Variants in SLC14A2 observed in about 807,000 individuals in gnomAD.
SLC14A2 encodes urea transporter 2.
A neutral mutation model predicts 104.6 loss-of-function variants in SLC14A2; 91 were observed. The ratio of observed to expected loss-of-function variants is 0.87; its 90% confidence interval spans 0.73 to 1.04. The LOEUF is 1.04. SLC14A2 is among the 50% of genes least tolerant of loss of function. The pLI is 0.00. For missense variants in SLC14A2, 1,189 were observed against 1,156.0 expected (o/e 1.03, Z -0.41); for synonymous variants, 476 against 466.4 (o/e 1.02, Z -0.27).
chr18:45,331,754 T>C (rs1304099132), intron 1 of SLC14A2, among the ~76,000 whole-genome samples: 2 of 152,264 alleles, frequency 1.3e-5, no homozygotes, highest in East Asian at 1.9e-4. Flanking sequence ...TATGCCCTCA[T>C]GTACCATTAC....
At chr18:45,358,684 C>T (rs559917976) in intron 1 of SLC14A2, among the ~76,000 whole-genome samples, 129 of 152,272 alleles carry the variant, frequency 8.5e-4, no homozygotes, top group Middle Eastern at 3.4e-3. Flanking sequence ...CTCAAGCAAT[C>T]CTGCCGCCTC....
intron 1 of SLC14A2, among the ~76,000 whole-genome samples, chr18:45,317,777 A>ATGTCTCCTCCCCTTC (rs1481729595): frequency 6.6e-6 from 1 of 152,124 alleles, no homozygotes. Context: ...GGCTTGACAG[A>ATGTCTCCTCCCCTTC]TGTCTCCTCC....
At chr18:45,456,521 C>T (rs1434401945) in intron 1 of SLC14A2, among the ~76,000 whole-genome samples, 2 of 152,364 alleles carry the variant, frequency 1.3e-5, no homozygotes, top group East Asian at 3.9e-4. Context: ...CACCTCCCAT[C>T]TGCTCCTCCA....
chr18:45,315,248 CA>C (rs2085117717), intron 1 of SLC14A2, among the ~76,000 whole-genome samples: 1 of 152,108 alleles, frequency 6.6e-6, no homozygotes, highest in African/African-American at 2.4e-5. Context: ...GTGTCAAGAT[CA>C]AAGGCACCAG....
upstream of SLC14A2, among the ~76,000 whole-genome samples, chr18:45,611,553 G>A (rs575692544): frequency 4.6e-5 from 7 of 152,310 alleles, no homozygotes; most frequent in Middle Eastern, 3.4e-3. Flanking sequence ...GAAAGGAGAC[G>A]TGTGTTTATA....
chr18:45,473,377 T>C (rs2087289733), intron 1 of SLC14A2, among the ~76,000 whole-genome samples: 1 of 152,236 alleles, frequency 6.6e-6, no homozygotes, highest in Admixed American at 6.5e-5. Flanking sequence ...TTTGGTTCCA[T>C]GTGAAATTTA....
Position 45,663,795 on chromosome 18 carries a change from G to A in SLC14A2, c.1362G>A (p.Gly454=). The change falls in exon 11 of 20, where the codon GGG becomes GGA. Residue 454 remains glycine (G), a synonymous_variant. Coordinates refer to ENST00000255226, the MANE Select transcript of SLC14A2 (RefSeq NM_007163.4). Reference sequence around the variant, plus strand: ...TTTGCCCCTGGCTAGGAGGCGGTGGGGAGCATCCACCCACAGCAGGCCCAA... The same window carrying A: ...TTTGCCCCTGGCTAGGAGGCGGTGGAGAGCATCCACCCACAGCAGGCCCAA... The part of the protein sequence containing the change: ...EEEKAPSGGG[G]EHPPTAGPKV... 6.2e-7 allele frequency: 1 copy of A among 1,612,460 alleles called. No individual in the cohort carries two copies.
Position 45,324,669 on chromosome 18 carries a change from G to A in SLC14A2, c.-125+111478G>A, listed in dbSNP as rs148950504. ...TGAGACTAGAATGCAATTAGCCAGG[G>A]GAGGTTGTGAAATTTGTTTTTAAAT... On this transcript the variant is annotated intron_variant, in intron 1 of 20. Transcript: ENST00000586448. Among the ~76,000 whole-genome samples, 811 of 152,160 alleles carry A rather than the reference G, an allele frequency of 5.3e-3. 6 individuals carry two copies. The highest frequency in any genetic ancestry group is 8.7e-3 in the South Asian group (42 of 4,824).
intron 1 of SLC14A2, among the ~76,000 whole-genome samples, chr18:45,215,285 C>G (rs16978306): frequency 6.6e-6 from 1 of 152,150 alleles, no homozygotes; most frequent in Non-Finnish European, 1.5e-5. Flanking sequence ...TAGCCTTACA[C>G]GCCTGTCTTA....
chr18:45,375,939 C>A (rs987798682), intron 1 of SLC14A2, among the ~76,000 whole-genome samples: 1 of 152,182 alleles, frequency 6.6e-6, no homozygotes, highest in African/African-American at 2.4e-5. Flanking sequence ...GCCCACATAC[C>A]CACTGGCCAG....
intron 2 of SLC14A2, among the ~76,000 whole-genome samples, chr18:45,498,828 G>A (rs7504635): frequency 6.6e-6 from 1 of 152,188 alleles, no homozygotes; most frequent in Non-Finnish European, 1.5e-5. Flanking sequence ...AGGTTGTAAA[G>A]AAAGGTTTCT....
At chr18:45,215,365 T>C (rs1327012592) in intron 1 of SLC14A2, among the ~76,000 whole-genome samples, 1 of 152,180 alleles carries the variant, frequency 6.6e-6, no homozygotes. Context: ...ACTTTTAAGA[T>C]TGTCTTTTGC....
At chr18:45,554,451 C>T (rs141994886) in intron 2 of SLC14A2, among the ~76,000 whole-genome samples, 21 of 152,168 alleles carry the variant, frequency 1.4e-4, no homozygotes, top group East Asian at 1.2e-3. Context: ...CATTTTACAA[C>T]GTTTGCCCTA....
intron 1 of SLC14A2, among the ~76,000 whole-genome samples, chr18:45,378,931 A>C (rs1430262564): frequency 6.6e-6 from 1 of 152,182 alleles, no homozygotes; most frequent in Admixed American, 6.5e-5. Context: ...TTTTGATCAA[A>C]TCAGCCTTAT....
chr18:45,629,271 A>C (rs2045308831), intron 4 of SLC14A2, among the ~76,000 whole-genome samples: 1 of 152,196 alleles, frequency 6.6e-6, no homozygotes, highest in Non-Finnish European at 1.5e-5. Context: ...AGGACCACTC[A>C]GATTCTAGCA....
chr18:45,480,230 C>T (rs2087465809), intron 1 of SLC14A2, among the ~76,000 whole-genome samples: 1 of 152,144 alleles, frequency 6.6e-6, no homozygotes, highest in Non-Finnish European at 1.5e-5. Flanking sequence ...AACTTTGCTA[C>T]CTGTCCAAAA....
chr18:45,548,072 G>T (rs72902386), intron 2 of SLC14A2, among the ~76,000 whole-genome samples: 1 of 152,090 alleles, frequency 6.6e-6, no homozygotes, highest in Non-Finnish European at 1.5e-5. Context: ...TTCTGATGTC[G>T]GGAAACTCAG....
chr18:45,277,548 A>G (rs985198911), intron 1 of SLC14A2, among the ~76,000 whole-genome samples: 1 of 152,174 alleles, frequency 6.6e-6, no homozygotes, highest in Non-Finnish European at 1.5e-5. Context: ...AGCTGGTACT[A>G]TAGGCATATG....
At chr18:45,533,930 A>T (rs1369592713) in intron 2 of SLC14A2, among the ~76,000 whole-genome samples, 1 of 152,140 alleles carries the variant, frequency 6.6e-6, no homozygotes, top group East Asian at 1.9e-4. Flanking sequence ...CAGTAGTTTT[A>T]ATAAAGCCAA....
Sources: allele counts gnomAD v4.1 joint callset (sites outside exome capture counted in the v4.1 genomes callset), GRCh38; gene constraint gnomAD v4.1.1; transcripts MANE v1.5; gene names NCBI Gene and HGNC (gene_info 2026-07-23, HGNC 2026-07-21).